The following CTNND2 variants were observed in gnomAD, a reference collection of about 807,000 sequenced individuals.
CTNND2 encodes the protein catenin delta-2.
CTNND2 carries 22 observed loss-of-function variants against 144.4 expected under a neutral mutation model. The observed-to-expected ratio is 0.15, with a 90% CI of 0.11 to 0.22. The LOEUF is 0.22. Ranked by LOEUF, CTNND2 falls within the 10% of genes least tolerant of loss-of-function variation. The probability of loss-of-function intolerance (pLI) is 1.00; values close to 1 mark genes in which losing one functional copy is unlikely to be tolerated. For synonymous variants in CTNND2, 751 were observed against 695.6 expected (o/e 1.08, Z -1.25); for missense variants, 1,353 against 1,618.8 (o/e 0.84, Z 2.82).
Position 11,098,662 on chromosome 5 carries a change from G to A in CTNND2, c.2550C>T (p.Tyr850=). 1 of 1,614,188 alleles carries A rather than the reference G, an allele frequency of 6.2e-7. No homozygotes were observed. Among genetic ancestry groups the A allele is most frequent in the Non-Finnish European group, 8.5e-7 (1 of 1,180,018 alleles). The change falls in exon 15 of 22, where the codon TAC becomes TAT. Residue 850 remains tyrosine (Y), a synonymous_variant. Coordinates refer to ENST00000304623, the MANE Select transcript of CTNND2 (RefSeq NM_001332.4). ...MLWHPSIVKP[Y]LTLLSECSNP... is the part of the protein sequence containing the mutation. ...TTGAGCACTCAGAGAGCAGTGTGAGGTAGGGTTTGACTATTGATGGGTGCC... is the reference window on the plus strand; with the variant it reads ...TTGAGCACTCAGAGAGCAGTGTGAGATAGGGTTTGACTATTGATGGGTGCC...
At chr5:11,802,684 T>C (rs1401693986) in intron 1 of CTNND2, among the ~76,000 whole-genome samples, 1 of 152,252 alleles carries the variant, frequency 6.6e-6, no homozygotes, top group Non-Finnish European at 1.5e-5. Context: ...AACCATGAAA[T>C]TAATTGCTAT....
At chr5:11,074,902 T>C (rs1561262979) in intron 16 of CTNND2, among the ~76,000 whole-genome samples, 2 of 152,152 alleles carry the variant, frequency 1.3e-5, no homozygotes, top group South Asian at 2.1e-4. Flanking sequence ...ATTTAAAACA[T>C]TGTGGTAAGT....
At chr5:11,105,026 C>T (rs1162508608) in intron 14 of CTNND2, among the ~76,000 whole-genome samples, 1 of 152,222 alleles carries the variant, frequency 6.6e-6, no homozygotes, top group Non-Finnish European at 1.5e-5. Context: ...CATCACGAGG[C>T]CGGCCACTGT....
intron 9 of CTNND2, among the ~76,000 whole-genome samples, chr5:11,341,565 T>A (rs974232006): frequency 1.3e-5 from 2 of 152,238 alleles, no homozygotes; most frequent in African/African-American, 4.8e-5. Flanking sequence ...CAGAGATTCA[T>A]CACCTGAGAG....
chr5:11,443,829 T>C (rs554859964), intron 3 of CTNND2, among the ~76,000 whole-genome samples: 2 of 152,282 alleles, frequency 1.3e-5, no homozygotes, highest in South Asian at 2.1e-4. Flanking sequence ...TTTCAGGTTT[T>C]TTCTGCAAGA....
intron 16 of CTNND2, among the ~76,000 whole-genome samples, chr5:11,052,859 G>A (rs983943159): frequency 6.6e-6 from 1 of 152,010 alleles, no homozygotes; most frequent in South Asian, 2.1e-4. Flanking sequence ...AAAAATTACC[G>A]AATAACACTT....
chr5:11,512,541 T>C (rs369953586), intron 3 of CTNND2, among the ~76,000 whole-genome samples: 10 of 152,194 alleles, frequency 6.6e-5, no homozygotes, highest in African/African-American at 2.4e-4. Context: ...TGTGCCAATA[T>C]TACATGGACT....
chr5:11,437,452 T>C (rs930993245), intron 3 of CTNND2, among the ~76,000 whole-genome samples: 1 of 152,178 alleles, frequency 6.6e-6, no homozygotes, highest in Non-Finnish European at 1.5e-5. Context: ...AGTCTAAGAT[T>C]TGACACTATC....
At chr5:11,088,328 C>T (rs1750398688) in intron 15 of CTNND2, among the ~76,000 whole-genome samples, 1 of 152,184 alleles carries the variant, frequency 6.6e-6, no homozygotes, top group Non-Finnish European at 1.5e-5. Flanking sequence ...AATGAAACTG[C>T]TCACACTACT....
chr5:11,398,892 G>A (rs1312574694), intron 5 of CTNND2, among the ~76,000 whole-genome samples: 1 of 152,210 alleles, frequency 6.6e-6, no homozygotes, highest in Non-Finnish European at 1.5e-5. Context: ...GAAGCTGCCA[G>A]GCCCAGCAGA....
At chr5:11,768,028 T>G (rs1439016619) in intron 1 of CTNND2, among the ~76,000 whole-genome samples, 2 of 152,172 alleles carry the variant, frequency 1.3e-5, no homozygotes, top group African/African-American at 4.8e-5. Context: ...TTTCCACTAA[T>G]AATCCAAAAT....
Position 10,973,674 on chromosome 5 carries a change from C to T in CTNND2, c.3457G>A (p.Asp1153Asn). 6.2e-7 allele frequency: 1 copy of T among 1,612,476 alleles called. No individual in the cohort carries two copies. Residue 1153 changes from aspartate (D) to asparagine (N), a missense_variant, in exon 22 of 22, where the codon GAT becomes AAT. Transcript: ENST00000304623. This position sits in a 1 kb window ranked among gnomAD's most constrained non-coding sequence, Gnocchi z 5.6. ...QPVPQEPSRK[D>N]YETYQPFQNS... ...TGAAATGGCTGGTAGGTCTCGTAAT[C>T]TTTTCTGCTGGGCTCCTGTGGGACT... is the stretch of plus-strand genomic sequence containing the variant.
chr5:11,061,846 C>T (rs1747021584), intron 16 of CTNND2, among the ~76,000 whole-genome samples: 1 of 152,000 alleles, frequency 6.6e-6, no homozygotes, highest in East Asian at 1.9e-4. Flanking sequence ...GTAGCTGGGA[C>T]TATGGGCACC....
At chr5:11,219,736 G>A (rs1739590544) in intron 10 of CTNND2, among the ~76,000 whole-genome samples, 2 of 152,210 alleles carry the variant, frequency 1.3e-5, no homozygotes, top group Admixed American at 6.5e-5. Context: ...AAGGAATGCA[G>A]CCAGCCTTCA....
chr5:11,152,426 TATC>T (rs1193267815), intron 12 of CTNND2, among the ~76,000 whole-genome samples: 2 of 152,210 alleles, frequency 1.3e-5, no homozygotes, highest in Non-Finnish European at 2.9e-5. Context: ...GCAATAGACA[TATC>T]ATACAGCCTA....
chr5:11,256,602 G>GA (rs1448036929), intron 9 of CTNND2, among the ~76,000 whole-genome samples: 2 of 152,182 alleles, frequency 1.3e-5, no homozygotes, highest in Non-Finnish European at 2.9e-5. Flanking sequence ...AATGATGACA[G>GA]AAAGAGTATA....
intron 12 of CTNND2, among the ~76,000 whole-genome samples, chr5:11,148,563 G>A (rs778781642): frequency 6.6e-6 from 1 of 152,244 alleles, no homozygotes; most frequent in Non-Finnish European, 1.5e-5. Flanking sequence ...TTTAAAGACA[G>A]TGGAGGGAGC....
intron 9 of CTNND2, among the ~76,000 whole-genome samples, chr5:11,322,649 G>C (rs1580901994): frequency 6.6e-6 from 1 of 151,770 alleles, no homozygotes; most frequent in East Asian, 1.9e-4. Flanking sequence ...TTTTCATTTT[G>C]ACAGCTATAG....
At chr5:11,238,097 A>G (rs1029577072) in intron 9 of CTNND2, among the ~76,000 whole-genome samples, 13 of 152,350 alleles carry the variant, frequency 8.5e-5, no homozygotes, top group African/African-American at 2.9e-4. Flanking sequence ...CTAAAACATT[A>G]TCTTGATTGT....
Sources: gnomAD v4.1 joint callset for allele counts (sites outside exome capture counted in the v4.1 genomes callset) on GRCh38, gnomAD v4.1.1 for gene constraint, Gnocchi (gnomAD v3.1) non-coding constraint, MANE v1.5 for transcripts, NCBI Gene and HGNC (gene_info 2026-07-23, HGNC 2026-07-21) for gene names.